Variants in SRGAP3 observed in about 807,000 individuals in gnomAD.
SRGAP3 encodes SLIT-ROBO Rho GTPase activating protein 3.
Under a neutral mutation model 121.1 loss-of-function variants are expected in SRGAP3, and 39 were observed. The ratio of observed to expected loss-of-function variants is 0.32; its 90% CI spans 0.25 to 0.42. SRGAP3 has a LOEUF of 0.42. Ranked by LOEUF, SRGAP3 falls within the 10% of genes least tolerant of loss-of-function variation. The pLI, the probability that SRGAP3 is intolerant of heterozygous loss-of-function variation, is 1.00. For missense variants in SRGAP3, 1,213 were observed against 1,470.6 expected (o/e 0.82, Z 2.86); for synonymous variants, 601 against 570.0 (o/e 1.05, Z -0.77).
chr3:9,351,897 T>C (rs926240455), intron 1 of SRGAP3, among the ~76,000 whole-genome samples: 2 of 152,156 alleles, frequency 1.3e-5, no homozygotes, highest in Non-Finnish European at 2.9e-5. Context: ...GCAGTCAAGC[T>C]CTTCGTGTCC....
chr3:9,167,889 TG>T (rs1289258591), intron 1 of SRGAP3, among the ~76,000 whole-genome samples: 2 of 152,168 alleles, frequency 1.3e-5, no homozygotes, highest in Non-Finnish European at 2.9e-5. Flanking sequence ...GCGCACTCCA[TG>T]GTGCATGCAG....
chr3:9,230,822 G>A (rs1281601140), intron 1 of SRGAP3, among the ~76,000 whole-genome samples: 1 of 148,612 alleles, frequency 6.7e-6, no homozygotes, highest in East Asian at 2.0e-4. Flanking sequence ...TTATGATGGC[G>A]CCACTGCATT....
chr3:9,149,650 A>C (rs1950145302), intron 1 of SRGAP3, among the ~76,000 whole-genome samples: 2 of 152,172 alleles, frequency 1.3e-5, no homozygotes, highest in South Asian at 4.2e-4. Flanking sequence ...CAGGAGGGTG[A>C]GGGAAAAAGC....
chr3:9,024,717 G>A (rs749805251), intron 14 of SRGAP3, among the ~76,000 whole-genome samples: 2 of 152,128 alleles, frequency 1.3e-5, no homozygotes, highest in African/African-American at 2.4e-5. Flanking sequence ...TCTCTTCCCC[G>A]CAATGTGTGG....
At chr3:9,205,662 G>T (rs1235933373) in intron 1 of SRGAP3, among the ~76,000 whole-genome samples, 2 of 152,202 alleles carry the variant, frequency 1.3e-5, no homozygotes. Flanking sequence ...TATGGCAAAA[G>T]TAAGTCCAGT....
Position 8,984,004 on chromosome 3 carries a change from T to C in SRGAP3, c.*1515A>G, listed in dbSNP as rs1053325887. ...GCACACAGATTTGCCCGTGTGCCATTATCCAGAAACAGCTCATCTCTGGAA... is the reference window on the plus strand; with the variant it reads ...GCACACAGATTTGCCCGTGTGCCATCATCCAGAAACAGCTCATCTCTGGAA... On this transcript the variant is annotated 3_prime_UTR_variant, in exon 22 of 22. Coordinates refer to ENST00000383836, the MANE Select transcript of SRGAP3 (RefSeq NM_014850.4). 8 of 231,116 alleles carry C rather than the reference T, an allele frequency of 3.5e-5. No individual in the cohort carries two copies. Among genetic ancestry groups the C allele is most frequent in the Admixed American group, 2.8e-4 (5 of 17,708 alleles). 14.3% of individuals were successfully genotyped at this position (231,116 alleles called of 1,614,324 possible).
rs140388444 is a variant in SRGAP3, at chr3:8,994,657, G to C, written c.2228-134C>G. The C allele has an allele frequency of 3.0e-4, 351 of 1,178,412 alleles. No individual in the cohort carries two copies. The African/African-American group carries it at 4.8e-3, about 16-fold the overall frequency. 73.0% of individuals were successfully genotyped at this position (1,178,412 alleles called of 1,614,324 possible). On this transcript the variant is annotated intron_variant, in intron 18 of 21. Coordinates refer to ENST00000383836, the MANE Select transcript of SRGAP3 (RefSeq NM_014850.4). ...GGTGAGAACATGGACAGAACGCCTG[G>C]TGGGCTGGGGCTCAGGACCCTGGGG...
intron 1 of SRGAP3, among the ~76,000 whole-genome samples, chr3:9,155,045 T>C (rs1950364134): frequency 6.6e-6 from 1 of 152,136 alleles, no homozygotes; most frequent in Admixed American, 6.5e-5. Context: ...CAATATTCAC[T>C]TTTCTTCTAG....
At chr3:9,126,132 G>A (rs1008865750) in intron 1 of SRGAP3, among the ~76,000 whole-genome samples, 6 of 152,160 alleles carry the variant, frequency 3.9e-5, no homozygotes, top group Non-Finnish European at 4.4e-5. Context: ...GAATCAACCT[G>A]AGATCCTCCA....
chr3:9,066,811 A>G (rs2125218754), intron 4 of SRGAP3, among the ~76,000 whole-genome samples: 1 of 152,322 alleles, frequency 6.6e-6, no homozygotes, highest in South Asian at 2.1e-4. Context: ...TGTGACTTTT[A>G]TCATTAAATC....
chr3:9,258,230 G>A (rs9874788), intron 3 of SRGAP3, among the ~76,000 whole-genome samples: 7,390 of 152,196 alleles, frequency 0.049, 597 homozygotes, highest in African/African-American at 0.17. Flanking sequence ...TCTTGGAGGC[G>A]AAAATTTCTA....
At chr3:9,104,162 G>A (rs1272705198) in intron 3 of SRGAP3, among the ~76,000 whole-genome samples, 1 of 152,166 alleles carries the variant, frequency 6.6e-6, no homozygotes, top group African/African-American at 2.4e-5. Flanking sequence ...ATGTAATAGA[G>A]TGTTACGTAA....
chr3:9,275,771 C>T (rs1386295056), intron 3 of SRGAP3, among the ~76,000 whole-genome samples: 1 of 152,184 alleles, frequency 6.6e-6, no homozygotes, highest in Non-Finnish European at 1.5e-5. Flanking sequence ...CATTCAACCT[C>T]TTTTTCTTTA....
At chr3:9,191,255 G>A (rs940388394) in intron 1 of SRGAP3, among the ~76,000 whole-genome samples, 18 of 152,074 alleles carry the variant, frequency 1.2e-4, no homozygotes, top group Non-Finnish European at 2.1e-4. Flanking sequence ...ATTCACACAC[G>A]GAAAACATTG....
intron 21 of SRGAP3, among the ~76,000 whole-genome samples, chr3:8,988,707 T>C (rs558480995): frequency 4.7e-4 from 71 of 152,024 alleles, no homozygotes; most frequent in African/African-American, 1.6e-3. Context: ...CCAGGGACCG[T>C]TTACGTGGAA....
chr3:9,090,992 A>G (rs1032451334), intron 3 of SRGAP3, among the ~76,000 whole-genome samples: 4 of 151,952 alleles, frequency 2.6e-5, no homozygotes, highest in Non-Finnish European at 4.4e-5. Context: ...TAACTCAAAG[A>G]CGGGTCATTT....
At chr3:9,042,102 C>CAA (rs370049198) in intron 10 of SRGAP3, among the ~76,000 whole-genome samples, 50 of 98,082 alleles carry the variant, frequency 5.1e-4, no homozygotes, top group African/African-American at 1.3e-3. Context: ...GACGCCATCT[C>CAA]AAAAAAAAAA....
At chr3:9,027,633 G>A (rs919255024) in intron 12 of SRGAP3, among the ~76,000 whole-genome samples, 5 of 152,190 alleles carry the variant, frequency 3.3e-5, no homozygotes, top group African/African-American at 1.2e-4. Flanking sequence ...TACTCTAAAA[G>A]GCTGAAAAAG....
intron 2 of SRGAP3, among the ~76,000 whole-genome samples, chr3:9,119,323 C>T (rs1432638636): frequency 6.6e-6 from 1 of 152,194 alleles, no homozygotes; most frequent in East Asian, 1.9e-4. Context: ...GAGAGCTATA[C>T]CCACATGCCC....
Sources: gnomAD v4.1 joint callset for allele counts (sites outside exome capture counted in the v4.1 genomes callset) on GRCh38, gnomAD v4.1.1 for gene constraint, MANE v1.5 for transcripts, NCBI Gene and HGNC (gene_info 2026-07-23, HGNC 2026-07-21) for gene names.